The following CADM2 variants were observed in gnomAD, a reference collection of about 807,000 sequenced individuals.
The protein encoded by CADM2 is immunoglobulin superfamily member 4D.
In CADM2, 12 loss-of-function variants were observed where a neutral mutation model predicts 49.8. The observed-to-expected ratio is 0.24, with a 90% CI of 0.15 to 0.39. The LOEUF is 0.39. CADM2 is among the 10% of genes least tolerant of loss of function. The probability of loss-of-function intolerance (pLI) is 1.00; values close to 1 mark genes in which losing one functional copy is unlikely to be tolerated. For missense variants in CADM2, 378 were observed against 492.3 expected (o/e 0.77, Z 2.20); for synonymous variants, 214 against 175.4 (o/e 1.22, Z -1.74).
At chr3:85,707,739 A>C (rs778780246) in intron 1 of CADM2, among the ~76,000 whole-genome samples, 1 of 152,172 alleles carries the variant, frequency 6.6e-6, no homozygotes, top group African/African-American at 2.4e-5. Context: ...TTAAAAATAT[A>C]TATCAGTATG....
intron 1 of CADM2, among the ~76,000 whole-genome samples, chr3:85,627,627 C>T (rs2064166331): frequency 6.6e-6 from 1 of 151,968 alleles, no homozygotes; most frequent in African/African-American, 2.4e-5. Context: ...ACAAAGATAA[C>T]TATGGCTCTT....
intron 1 of CADM2, among the ~76,000 whole-genome samples, chr3:84,977,773 G>GTTTCATGCAATTTCATGCAATTGTTTC (rs2031920134): frequency 2.0e-5 from 3 of 152,032 alleles, no homozygotes; most frequent in Non-Finnish European, 4.4e-5. Flanking sequence ...TTTCATCGTT[G>GTTTCATGCAATTTCATGCAATTGTTTC]ATTTGTTTTC....
rs370170222 is a variant in CADM2, at chr3:85,999,657, A to AAAAG, written c.970+38026_970+38029dup. Reference sequence around the variant, plus strand: ...AGAAAGAAAGAAAGAAAGGAAAGAAAAAAGAAAGAAAGAAAGAAAAAGAAA... The same window carrying AAAAG: ...AGAAAGAAAGAAAGAAAGGAAAGAAAAAAGAAAGAAAGAAAGAAAGAAAAAGAAA... On this transcript the variant is annotated intron_variant, in intron 8 of 9. Coordinates refer to ENST00000383699, the MANE Select transcript of CADM2 (RefSeq NM_001167675.2). 7.9e-5 allele frequency among the ~76,000 whole-genome samples: 12 copies of AAAAG among 151,544 alleles called. No individual in the cohort carries two copies. The South Asian group carries it at 1.0e-3, about 13-fold the overall frequency.
intron 1 of CADM2, among the ~76,000 whole-genome samples, chr3:85,468,598 G>GA (rs34133544): frequency 0.6 from 91,192 of 151,838 alleles, 28,633 homozygotes; most frequent in East Asian, 0.92. Flanking sequence ...TTTTTGACCA[G>GA]AATATGCCAT....
At chr3:85,635,155 A>G (rs528957736) in intron 1 of CADM2, among the ~76,000 whole-genome samples, 81 of 152,208 alleles carry the variant, frequency 5.3e-4, no homozygotes, top group African/African-American at 1.9e-3. Flanking sequence ...CTAAACCTCC[A>G]TTGCTATATT....
chr3:85,767,173 G>C (rs2069699321), intron 2 of CADM2, among the ~76,000 whole-genome samples: 1 of 152,046 alleles, frequency 6.6e-6, no homozygotes, highest in Non-Finnish European at 1.5e-5. Context: ...AGTTTTATTA[G>C]TGACCACCTT....
chr3:86,048,164 C>A (rs935765077), intron 8 of CADM2, among the ~76,000 whole-genome samples: 1 of 151,464 alleles, frequency 6.6e-6, no homozygotes, highest in Non-Finnish European at 1.5e-5. Context: ...TTTTAACATT[C>A]AAAAACGTGC....
intron 1 of CADM2, among the ~76,000 whole-genome samples, chr3:85,244,523 G>T (rs2042605896): frequency 6.6e-6 from 1 of 152,110 alleles, no homozygotes; most frequent in Non-Finnish European, 1.5e-5. Context: ...GTGAAAAACA[G>T]TTTCTGCAGA....
chr3:85,643,783 A>C (rs1297067617), intron 1 of CADM2, among the ~76,000 whole-genome samples: 1 of 152,136 alleles, frequency 6.6e-6, no homozygotes, highest in Non-Finnish European at 1.5e-5. Context: ...TATATATTTT[A>C]AGTTTTTAAG....
chr3:85,170,657 T>A (rs1559701149), intron 1 of CADM2, among the ~76,000 whole-genome samples: 1 of 152,150 alleles, frequency 6.6e-6, no homozygotes, highest in South Asian at 2.1e-4. Context: ...AAAAATAAAA[T>A]TCTTCATGGC....
chr3:85,898,156 A>G (rs1396652689), intron 5 of CADM2, among the ~76,000 whole-genome samples: 3 of 152,228 alleles, frequency 2.0e-5, no homozygotes, highest in Non-Finnish European at 4.4e-5. Context: ...ACTAGGAGAT[A>G]CATAAGTCAC....
At chr3:85,810,607 T>C (rs1455139380) in intron 3 of CADM2, among the ~76,000 whole-genome samples, 1 of 146,310 alleles carries the variant, frequency 6.8e-6, no homozygotes, top group Non-Finnish European at 1.5e-5. Flanking sequence ...TGGTGCTGTG[T>C]TGGCTCACTG....
At chr3:85,171,889 C>T (rs1480590538) in intron 1 of CADM2, among the ~76,000 whole-genome samples, 5 of 152,126 alleles carry the variant, frequency 3.3e-5, no homozygotes, top group African/African-American at 1.2e-4. Context: ...CTGTACCAAA[C>T]TTATTTTTGT....
chr3:85,380,372 A>T (rs1440573423), intron 1 of CADM2, among the ~76,000 whole-genome samples: 1 of 151,944 alleles, frequency 6.6e-6, no homozygotes, highest in Non-Finnish European at 1.5e-5. Context: ...TTTAAGGCTA[A>T]AATACATTTT....
At chr3:85,073,747 T>A (rs1284202602) in intron 1 of CADM2, among the ~76,000 whole-genome samples, 5 of 152,068 alleles carry the variant, frequency 3.3e-5, no homozygotes, top group South Asian at 2.1e-4. Context: ...GAAAATGAAA[T>A]TTTTTTCATA....
intron 1 of CADM2, among the ~76,000 whole-genome samples, chr3:85,405,643 G>A (rs962652761): frequency 9.9e-5 from 15 of 151,992 alleles, no homozygotes; most frequent in East Asian, 1.9e-4. Context: ...TGAAAGTAGC[G>A]TTCCTATAGA....
intron 1 of CADM2, among the ~76,000 whole-genome samples, chr3:85,569,473 T>C (rs1348241426): frequency 6.6e-6 from 1 of 152,146 alleles, no homozygotes; most frequent in Non-Finnish European, 1.5e-5. Flanking sequence ...AGCAGTGCAA[T>C]TACTCAGTTG....
chr3:85,638,608 T>G (rs2064596509), intron 1 of CADM2, among the ~76,000 whole-genome samples: 1 of 152,108 alleles, frequency 6.6e-6, no homozygotes, highest in Non-Finnish European at 1.5e-5. Context: ...CTGTAAATAT[T>G]TTCTACCATT....
intron 1 of CADM2, among the ~76,000 whole-genome samples, chr3:85,285,146 T>C (rs2043602717): frequency 1.3e-5 from 2 of 152,220 alleles, no homozygotes; most frequent in African/African-American, 2.4e-5. Flanking sequence ...TTACTGGCAA[T>C]TGGAAAATTA....
Sources: gnomAD v4.1 joint callset for allele counts (sites outside exome capture counted in the v4.1 genomes callset) on GRCh38, gnomAD v4.1.1 for gene constraint, MANE v1.5 for transcripts, NCBI Gene and HGNC (gene_info 2026-07-23, HGNC 2026-07-21) for gene names.